Variants in SORCS3 observed in about 807,000 individuals in gnomAD.
SORCS3 encodes the protein sortilin related VPS10 domain containing receptor 3.
Under a neutral mutation model 146.3 loss-of-function variants are expected in SORCS3, and 57 were observed. The ratio of observed to expected loss-of-function variants is 0.39; its 90% CI spans 0.31 to 0.49. The LOEUF is 0.49. Among genes scored for constraint, SORCS3 ranks in the 20% least tolerant of loss-of-function variants. The pLI, the probability that SORCS3 is intolerant of heterozygous loss-of-function variation, is 0.92. For missense variants in SORCS3, 1,341 were observed against 1,575.5 expected (o/e 0.85, Z 2.52); for synonymous variants, 653 against 618.5 (o/e 1.06, Z -0.83).
At chr10:105,047,403 G>A (rs1464614363) in intron 5 of SORCS3, among the ~76,000 whole-genome samples, 14 of 151,964 alleles carry the variant, frequency 9.2e-5, no homozygotes, top group Admixed American at 8.5e-4. Context: ...TCCCTCCTCC[G>A]CTCCTTAATT....
chr10:105,223,135 T>A lies in SORCS3; in HGVS notation c.2754T>A (p.His918Gln). 3.7e-6 allele frequency: 6 copies of A among 1,608,372 alleles called. No homozygotes were observed. Among genetic ancestry groups the A allele is most frequent in the Non-Finnish European group, 5.1e-6 (6 of 1,176,180 alleles). Residue 918 changes from histidine to glutamine, a missense_variant, in exon 20 of 27, where the codon CAT becomes CAA. By Grantham distance (24) the His-to-Gln change is conservative. Transcript: ENST00000369701. ...LHVVCPVEHV[H>Q]LRVPFVAIRN... Reference sequence around the variant, plus strand: ...CCTTAGGTCCTGTGGAGCATGTTCATCTCCGAGTTCCATTTGTTGCCATAA... The same window carrying A: ...CCTTAGGTCCTGTGGAGCATGTTCAACTCCGAGTTCCATTTGTTGCCATAA...
intron 1 of SORCS3, among the ~76,000 whole-genome samples, chr10:104,793,792 T>A (rs1008810673): frequency 6.6e-6 from 1 of 152,192 alleles, no homozygotes; most frequent in African/African-American, 2.4e-5. Context: ...AAGGTTGGTG[T>A]CTTCCAGGAG....
At chr10:104,904,007 A>G (rs1216451630) in intron 2 of SORCS3, among the ~76,000 whole-genome samples, 2 of 152,220 alleles carry the variant, frequency 1.3e-5, no homozygotes, top group Non-Finnish European at 2.9e-5. Context: ...TTATTTTAAA[A>G]TGAGTCAATA....
chr10:105,072,541 A>G (rs529818850), intron 5 of SORCS3, among the ~76,000 whole-genome samples: 116 of 151,804 alleles, frequency 7.6e-4, no homozygotes, highest in Middle Eastern at 6.9e-3. Flanking sequence ...TGCCAGGGCT[A>G]TGCGTGTGCT....
chr10:105,234,618 C>T (rs1184083669), intron 20 of SORCS3, among the ~76,000 whole-genome samples: 1 of 150,806 alleles, frequency 6.6e-6, no homozygotes, highest in African/African-American at 2.4e-5. Flanking sequence ...TGTTCTCAAG[C>T]TCAGAGATTC....
chr10:105,019,967 A>G (rs1480724070), intron 4 of SORCS3, among the ~76,000 whole-genome samples: 1 of 152,216 alleles, frequency 6.6e-6, no homozygotes, highest in Non-Finnish European at 1.5e-5. Context: ...TACCATAGAA[A>G]TACATTCACT....
At chr10:104,685,497 A>G (rs888373905) in intron 1 of SORCS3, among the ~76,000 whole-genome samples, 2 of 152,204 alleles carry the variant, frequency 1.3e-5, no homozygotes, top group East Asian at 1.9e-4. Flanking sequence ...GGTTGCCTGC[A>G]TGAGGTGCTC....
chr10:105,160,628 A>G lies in SORCS3; in HGVS notation c.1732+1634A>G, dbSNP rs116723784. Among the ~76,000 whole-genome samples, 1,244 of 152,338 alleles carry G rather than the reference A, an allele frequency of 8.2e-3. 22 individuals are homozygous for G. The highest frequency in any genetic ancestry group is 0.028 in the African/African-American group (1,184 of 41,584). On this transcript the variant is annotated intron_variant, in intron 11 of 26. Transcript: ENST00000369701. Reference sequence around the variant, plus strand: ...GGTGACACAGTGAGACTCTGGCTCAATAAATAATAAATAAATGAATAAAAT... The same window carrying G: ...GGTGACACAGTGAGACTCTGGCTCAGTAAATAATAAATAAATGAATAAAAT...
intron 1 of SORCS3, among the ~76,000 whole-genome samples, chr10:104,688,070 A>G (rs1455834260): frequency 6.6e-6 from 1 of 152,252 alleles, no homozygotes; most frequent in Non-Finnish European, 1.5e-5. Flanking sequence ...TGAAAATACA[A>G]ATACATTTAT....
chr10:105,233,369 A>T (rs542136013), intron 20 of SORCS3, among the ~76,000 whole-genome samples: 5 of 148,910 alleles, frequency 3.4e-5, no homozygotes, highest in Non-Finnish European at 6.0e-5. Flanking sequence ...TGTTGAACAA[A>T]TTTTTTTTCT....
At chr10:105,238,411 A>G (rs897196305) in intron 20 of SORCS3, among the ~76,000 whole-genome samples, 1 of 152,210 alleles carries the variant, frequency 6.6e-6, no homozygotes, top group African/African-American at 2.4e-5. Flanking sequence ...ATATGCAGAC[A>G]TTGTTGATCA....
intron 1 of SORCS3, among the ~76,000 whole-genome samples, chr10:104,758,536 G>A (rs540077170): frequency 6.6e-6 from 1 of 152,136 alleles, no homozygotes; most frequent in African/African-American, 2.4e-5. Context: ...TGCAGAGGGG[G>A]AAACTTTGTC....
At position 105,138,677 on chromosome 10, in the gene SORCS3, C is replaced by T. The variant is rs1014256179; in HGVS notation, c.1213-720C>T. Among the ~76,000 whole-genome samples, 7 of 152,194 alleles carry T rather than the reference C, an allele frequency of 4.6e-5. No homozygotes were observed. The South Asian group carries it at 1.4e-3, about 32-fold the overall frequency. On this transcript the variant is annotated intron_variant, in intron 7 of 26. Transcript: ENST00000369701. ...CCCTGGCCAGAGGACCATTTCTTGG[C>T]GTGGTTTCCACTTTCCTCCCATTAA...
At chr10:104,826,578 T>C (rs1000132883) in intron 1 of SORCS3, among the ~76,000 whole-genome samples, 2 of 152,220 alleles carry the variant, frequency 1.3e-5, no homozygotes, top group African/African-American at 4.8e-5. Context: ...ATTTTATTGC[T>C]AAAAATACTA....
At chr10:105,211,950 G>A (rs149921443) in intron 17 of SORCS3, among the ~76,000 whole-genome samples, 377 of 152,262 alleles carry the variant, frequency 2.5e-3, no homozygotes, top group Non-Finnish European at 4.3e-3. Flanking sequence ...GAGATCTGGG[G>A]TGGTGGGGAA....
At chr10:105,030,840 A>G (rs2055261705) in intron 4 of SORCS3, among the ~76,000 whole-genome samples, 1 of 151,706 alleles carries the variant, frequency 6.6e-6, no homozygotes, top group South Asian at 2.1e-4. Flanking sequence ...TGATCTGCCC[A>G]CTTCAGCCTC....
intron 1 of SORCS3, among the ~76,000 whole-genome samples, chr10:104,741,134 ATTTT>A (rs34447542): frequency 5.7e-5 from 6 of 104,890 alleles, no homozygotes; most frequent in African/African-American, 1.9e-4. Context: ...GATAATTTAA[ATTTT>A]TTTTTTTTTT....
chr10:104,791,749 T>C (rs1028539092), intron 1 of SORCS3, among the ~76,000 whole-genome samples: 1 of 152,168 alleles, frequency 6.6e-6, no homozygotes, highest in South Asian at 2.1e-4. Context: ...AAGGTGCCTG[T>C]GCTTCTCTGA....
intron 7 of SORCS3, among the ~76,000 whole-genome samples, chr10:105,138,070 T>C (rs926450886): frequency 3.0e-4 from 46 of 152,160 alleles, no homozygotes; most frequent in African/African-American, 1.0e-3. Context: ...TGTATCAAAA[T>C]AAAAAAGTTT....
Sources: gnomAD v4.1 joint callset for allele counts (sites outside exome capture counted in the v4.1 genomes callset) on GRCh38, gnomAD v4.1.1 for gene constraint, MANE v1.5 for transcripts, NCBI Gene and HGNC (gene_info 2026-07-23, HGNC 2026-07-21) for gene names.